The following FOXP3 variants were observed in gnomAD, a reference collection of about 807,000 sequenced individuals.
The protein encoded by FOXP3 is forkhead box P3, also known as forkhead box protein P3.
In FOXP3, 5 loss-of-function variants were observed where a neutral mutation model predicts 31.2. That is an observed-to-expected ratio of 0.16 (90% CI 0.08 to 0.34). The LOEUF is 0.34. Ranked by LOEUF, FOXP3 falls within the 10% of genes least tolerant of loss-of-function variation. FOXP3 has a pLI of 1.00. For synonymous variants in FOXP3, 141 were observed against 148.8 expected, an observed-to-expected ratio of 0.95 and a Z score of 0.38; for missense variants, 251 against 363.0, an observed-to-expected ratio of 0.69 and a Z score of 2.51.
intron 8 of FOXP3, 128 bp from the exon 9 acceptor site, chrX:49,254,195 A>G (rs2066053128): frequency 1.2e-6 from 1 of 809,752 alleles, no homozygotes; most frequent in South Asian, 2.7e-5. Flanking sequence ...GCAGTGGTGC[A>G]ATCTCGGCTC....
chrX:49,258,665 C>A (rs2066091003), intron 1 of FOXP3, 138 bp from the exon 2 acceptor site: 1 of 430,907 alleles, frequency 2.3e-6, no homozygotes, highest in Non-Finnish European at 3.9e-6. Context: ...CATAGTTGCA[C>A]CCCAGCTCTA....
chrX:49,259,224 C>T (rs1557116885), intron 1 of FOXP3: 3 of 525,926 alleles, frequency 5.7e-6, no homozygotes, highest in Admixed American at 2.6e-5. Flanking sequence ...GCTGACATTA[C>T]CTGAGATGGG....
intron 6 of FOXP3, 108 bp from the exon 7 acceptor site, chrX:49,255,910 C>T: frequency 1.5e-6 from 1 of 658,188 alleles, no homozygotes; most frequent in Admixed American, 2.6e-5. Flanking sequence ...CTCTGAGCCC[C>T]AGCTCCCCTC....
At chrX:49,252,979 A>G in intron 10 of FOXP3, 147 bp downstream of exon 10, 2 of 504,193 alleles carry the variant, frequency 4.0e-6, no homozygotes, top group Non-Finnish European at 6.7e-6. Flanking sequence ...GTCACATTTG[A>G]GGCACGGCTT....
At chrX:49,256,229 AG>A (rs1557116314) in intron 6 of FOXP3, among the ~76,000 whole-genome samples, 2 of 16,597 alleles carry the variant, frequency 1.2e-4, no homozygotes, top group Admixed American at 5.1e-4. Context: ...AAAGAGAGAG[AG>A]AGAGAGAGAG....
chrX:49,256,233 AGAGAGAGAGAGAGAGAGAGAGAGAG>A (rs2066071260), intron 6 of FOXP3, among the ~76,000 whole-genome samples: 1 of 26,305 alleles, frequency 3.8e-5, no homozygotes, highest in Non-Finnish European at 1.3e-4. Context: ...AGAGAGAGAG[AGAGAGAGAGAGAGAGAGAGAGAGAG>A]AGAGAGAGAG....
chrX:49,251,381 G>A lies in FOXP3; in HGVS notation c.1249C>T (p.Arg417Trp), dbSNP rs145368924. Residue 417 changes from arginine (R) to tryptophan (W), a missense_variant, in exon 12 of 12, where the codon CGG becomes TGG. Arg to Trp is a moderately radical substitution (Grantham distance 101). Coordinates refer to ENST00000376207, the MANE Select transcript of FOXP3 (RefSeq NM_014009.4). Reference sequence around the variant, plus strand: ...GAACACCTGCTGGGCCTCTGGCTCCGTTTCTTGCGGAACTCCAGCTCATCC... The same window carrying A: ...GAACACCTGCTGGGCCTCTGGCTCCATTTCTTGCGGAACTCCAGCTCATCC... ...TVDELEFRKK[R>W]SQRPSRCSNP... The A allele has an allele frequency of 1.7e-5, 21 of 1,211,345 alleles. No individual in the cohort carries two copies. Among genetic ancestry groups the A allele is most frequent in the South Asian group, 5.3e-5 (3 of 56,846 alleles).
Position 49,253,942 on chromosome X carries a change from A to C in FOXP3, c.942T>G (p.Gly314=), listed in dbSNP as rs1557115928. Residue 314 remains glycine (G), a synonymous_variant, in exon 9 of 12, where the codon GGT becomes GGG. Transcript: ENST00000376207. Reference sequence around the variant, plus strand: ...CTGGGAATGTGCTGTTTCCATGGCTACCCCACAGGTGCCTCCGGACAGCAA... The same window carrying C: ...CTGGGAATGTGCTGTTTCCATGGCTCCCCCACAGGTGCCTCCGGACAGCAA... ...SLFAVRRHLW[G]SHGNSTFPEF... 1.7e-6 allele frequency: 2 copies of C among 1,210,246 alleles called. No individual in the cohort carries two copies. Among genetic ancestry groups the C allele is most frequent in the Admixed American group, 4.4e-5 (2 of 45,881 alleles).
chrX:49,253,722 G>T (rs996875746), intron 9 of FOXP3, among the ~76,000 whole-genome samples, 195 bp downstream of exon 9: 1 of 112,057 alleles, frequency 8.9e-6, no homozygotes, highest in South Asian at 3.9e-4. Flanking sequence ...GAGACCATAT[G>T]GGGGGCTTTC....
intron 1 of FOXP3, chrX:49,259,204 G>A (rs2066095587): frequency 1.9e-6 from 1 of 524,218 alleles, no homozygotes; most frequent in Non-Finnish European, 3.5e-6. Flanking sequence ...TGAGCAGCTG[G>A]AAGGACCGAG....
chrX:49,255,830 T>G, intron 6 of FOXP3, 28 bp from the exon 7 acceptor site: 1 of 1,155,352 alleles, frequency 8.7e-7, no homozygotes, highest in Non-Finnish European at 1.2e-6. Context: ...TCCATGCAGG[T>G]GACCACGACA....
intron 1 of FOXP3, among the ~76,000 whole-genome samples, chrX:49,261,788 T>C (rs1205661341): frequency 8.9e-6 from 1 of 111,736 alleles, no homozygotes; most frequent in African/African-American, 3.3e-5. Flanking sequence ...AGGCCTGCAG[T>C]TGGGGAGAGA....
chrX:49,257,290 GGA>G, intron 4 of FOXP3, 135 bp downstream of exon 4: 1 of 860,238 alleles, frequency 1.2e-6, no homozygotes, highest in Non-Finnish European at 1.6e-6. Flanking sequence ...TTTGGAGGGT[GGA>G]GTTTCCAAGC....
At chrX:49,257,959 C>T (rs2066085251) in intron 2 of FOXP3, among the ~76,000 whole-genome samples, 191 bp from the exon 3 acceptor site, 1 of 112,429 alleles carries the variant, frequency 8.9e-6, no homozygotes, top group South Asian at 3.6e-4. Flanking sequence ...GCAGAGCTGG[C>T]CTCAGCCCTG....
chrX:49,258,726 G>A (rs782291979), intron 1 of FOXP3, among the ~76,000 whole-genome samples, 199 bp from the exon 2 acceptor site: 1 of 110,420 alleles, frequency 9.1e-6, no homozygotes, highest in South Asian at 3.9e-4. Context: ...ACAGGTACAT[G>A]TACATACCCA....
Position 49,256,846 on chromosome X carries a change from C to T in FOXP3, c.552G>A (p.Ser184=), listed in dbSNP as rs782085584. 32 of 1,210,165 alleles carry T rather than the reference C, an allele frequency of 2.6e-5. No homozygotes were observed. Among genetic ancestry groups the T allele is most frequent in the Middle Eastern group, 2.3e-4 (1 of 4,369 alleles). ...GTGGGTAGGAGCTCTGGGGCACAGC[C>T]GAAAGGGTGCTGGGGGGACAGAGGG... is the stretch of plus-strand genomic sequence containing the variant. ...PSAPRKDSTL[S]AVPQSSYPLL... Residue 184 remains serine (S), a synonymous_variant, in exon 6 of 12, where the codon TCG becomes TCA. Coordinates refer to ENST00000376207, the MANE Select transcript of FOXP3 (RefSeq NM_014009.4).
At position 49,251,773 on chromosome X, in the gene FOXP3, TTGGGGGG is replaced by T. The variant is rs1428795908; in HGVS notation, c.1045-15_1045-9del. The T allele has an allele frequency of 2.5e-6, 3 of 1,196,808 alleles. No individual in the cohort carries two copies. The highest frequency in any genetic ancestry group is 3.4e-6 in the Non-Finnish European group (3 of 894,353). On this transcript the variant is annotated splice_polypyrimidine_tract_variant and intron_variant, in intron 10 of 11. Transcript: ENST00000376207. ...TGGAGCCTCCAGGATGGCCTGGAAG[TTGGGGGG>T]TGGGGTAAGGGGCACATTCCCCAAA...
At chrX:49,263,992 C>T (rs782795648) in intron 1 of FOXP3, among the ~76,000 whole-genome samples, 2 of 111,927 alleles carry the variant, frequency 1.8e-5, no homozygotes, top group Admixed American at 9.5e-5. Flanking sequence ...TAAAGGTCCT[C>T]GGCGACATTA....
At chrX:49,251,973 G>C (rs1309058691) in intron 10 of FOXP3, 1 of 705,157 alleles carries the variant, frequency 1.4e-6, no homozygotes. Flanking sequence ...ATGGGTGTGG[G>C]TATGGTTGTT....
Sources: allele counts gnomAD v4.1 joint callset (sites outside exome capture counted in the v4.1 genomes callset), GRCh38; gene constraint gnomAD v4.1.1; transcripts MANE v1.5; gene names NCBI Gene and HGNC (gene_info 2026-07-23, HGNC 2026-07-21).